ARHGAP10: variants seen among roughly 807,000 people sequenced by gnomAD.
ARHGAP10 encodes the protein Rho GTPase activating protein 10, also known as rho GTPase-activating protein 10.
ARHGAP10 carries 87 observed loss-of-function variants against 108.6 expected under a neutral mutation model. The observed-to-expected ratio is 0.80, with a 90% CI of 0.67 to 0.96. ARHGAP10 has a LOEUF of 0.96. ARHGAP10 is among the 40% of genes least tolerant of loss of function. The probability of loss-of-function intolerance (pLI) is 0.00; values close to 1 mark genes in which losing one functional copy is unlikely to be tolerated. For synonymous variants in ARHGAP10, 347 were observed against 341.1 expected (o/e 1.02, Z -0.19); for missense variants, 939 against 954.5 (o/e 0.98, Z 0.21).
chr4:147,751,114 G>A (rs1389290724), intron 1 of ARHGAP10, among the ~76,000 whole-genome samples: 1 of 151,770 alleles, frequency 6.6e-6, no homozygotes, highest in Non-Finnish European at 1.5e-5. Context: ...GGAAGGCAGA[G>A]GTTGCAGTGA....
At chr4:147,775,448 G>A (rs1379091014) in intron 1 of ARHGAP10, among the ~76,000 whole-genome samples, 1 of 152,202 alleles carries the variant, frequency 6.6e-6, no homozygotes, top group East Asian at 1.9e-4. Context: ...CCAGCTTCAG[G>A]GGCCAGTGAC....
At chr4:147,832,995 G>A (rs764005238) in intron 3 of ARHGAP10, among the ~76,000 whole-genome samples, 12 of 152,142 alleles carry the variant, frequency 7.9e-5, no homozygotes, top group South Asian at 4.1e-4. Context: ...AAAACCTTCC[G>A]TTGAGACCTG....
chr4:148,006,739 A>T (rs766931471), intron 18 of ARHGAP10, among the ~76,000 whole-genome samples: 1 of 152,230 alleles, frequency 6.6e-6, no homozygotes, highest in Non-Finnish European at 1.5e-5. Context: ...GCATCTTTTC[A>T]TGTGATAAAA....
chr4:147,766,584 A>G (rs1001747385), intron 1 of ARHGAP10, among the ~76,000 whole-genome samples: 25 of 147,030 alleles, frequency 1.7e-4, no homozygotes, highest in Non-Finnish European at 3.3e-4. Flanking sequence ...GTATATATAC[A>G]CATACATATA....
chr4:148,072,348 A>G lies in ARHGAP10; in HGVS notation c.*267A>G. ...TCAAGTATTGGGACTTGTGATTTTTAATTATCCAGCATATAGAATGAGAGG... is the reference window on the plus strand; with the variant it reads ...TCAAGTATTGGGACTTGTGATTTTTGATTATCCAGCATATAGAATGAGAGG... On this transcript the variant is annotated 3_prime_UTR_variant, in exon 23 of 23. Transcript: ENST00000336498. The G allele has an allele frequency of 2.4e-6, 1 of 416,258 alleles. No homozygotes were observed. The allele number at this position is 416,258 out of a possible 1,614,324, so 25.8% of individuals were successfully genotyped here.
chr4:147,770,370 G>A (rs1730027370), intron 1 of ARHGAP10, among the ~76,000 whole-genome samples: 1 of 152,036 alleles, frequency 6.6e-6, no homozygotes, highest in African/African-American at 2.4e-5. Context: ...ACTAAAAATG[G>A]AAAAATTAGC....
intron 20 of ARHGAP10, among the ~76,000 whole-genome samples, chr4:148,051,204 T>C (rs1729119717): frequency 6.6e-6 from 1 of 152,226 alleles, no homozygotes; most frequent in African/African-American, 2.4e-5. Context: ...TTCATTGCAG[T>C]CAATCAATCT....
chr4:147,865,043 T>TTA (rs1348378971), intron 6 of ARHGAP10, 87 bp downstream of exon 6: 1 of 1,149,384 alleles, frequency 8.7e-7, no homozygotes, highest in Admixed American at 2.1e-5. Context: ...GGTTTATAGT[T>TTA]ACTAGAGGCC....
intron 18 of ARHGAP10, among the ~76,000 whole-genome samples, chr4:148,020,822 G>T (rs1365356672): frequency 6.6e-6 from 1 of 152,122 alleles, no homozygotes. Context: ...TAATGGGATT[G>T]CTGGGTCAAA....
At chr4:147,768,201 G>A (rs1293206917) in intron 1 of ARHGAP10, among the ~76,000 whole-genome samples, 2 of 152,182 alleles carry the variant, frequency 1.3e-5, no homozygotes, top group Admixed American at 6.5e-5. Context: ...CAATTATACT[G>A]TGAGTGGCAT....
At chr4:147,978,588 G>A (rs1007826466) in intron 18 of ARHGAP10, among the ~76,000 whole-genome samples, 2 of 152,068 alleles carry the variant, frequency 1.3e-5, no homozygotes, top group Admixed American at 6.6e-5. Context: ...CTCCTGCTCC[G>A]CCACAGTAAG....
intron 18 of ARHGAP10, 62 bp downstream of exon 18, chr4:147,966,901 G>A (rs1164919125): frequency 3.9e-6 from 5 of 1,295,112 alleles, no homozygotes; most frequent in African/African-American, 3.0e-5. Flanking sequence ...ACTACACAAC[G>A]ATCCTCTTAG....
intron 1 of ARHGAP10, among the ~76,000 whole-genome samples, chr4:147,768,679 A>G (rs911715504): frequency 1.1e-4 from 16 of 152,104 alleles, no homozygotes; most frequent in Non-Finnish European, 2.2e-4. Flanking sequence ...ATTTGGTGAC[A>G]ACTTTGTTTT....
chr4:147,870,022 G>C (rs1348295021), intron 7 of ARHGAP10, among the ~76,000 whole-genome samples: 3 of 151,560 alleles, frequency 2.0e-5, no homozygotes, highest in Non-Finnish European at 4.4e-5. Flanking sequence ...GTGTGTGTGT[G>C]TGTGTGTGTG....
At position 147,765,240 on chromosome 4, in the gene ARHGAP10, A is replaced by G. The variant is rs1729747944; in HGVS notation, c.154+32785A>G. Among the ~76,000 whole-genome samples the G allele has an allele frequency of 1.3e-5, 2 of 151,540 alleles. 1 individual carries two copies. Among genetic ancestry groups the G allele is most frequent in the South Asian group, 4.2e-4 (2 of 4,802 alleles). On this transcript the variant is annotated intron_variant, in intron 1 of 22. Coordinates refer to ENST00000336498, the MANE Select transcript of ARHGAP10 (RefSeq NM_024605.4). Reference sequence around the variant, plus strand: ...TAGCAAATATTTTTGAATGAAGTTTACATAATTCACAGCCAGGTGTTTCCA... The same window carrying G: ...TAGCAAATATTTTTGAATGAAGTTTGCATAATTCACAGCCAGGTGTTTCCA...
chr4:147,877,415 A>G (rs1735118925), intron 8 of ARHGAP10, among the ~76,000 whole-genome samples: 1 of 152,178 alleles, frequency 6.6e-6, no homozygotes, highest in Non-Finnish European at 1.5e-5. Context: ...CCCTGTCCCA[A>G]ATAATGTAAT....
intron 18 of ARHGAP10, among the ~76,000 whole-genome samples, chr4:147,997,204 A>G (rs899719517): frequency 6.6e-6 from 1 of 152,214 alleles, no homozygotes; most frequent in Non-Finnish European, 1.5e-5. Context: ...ATTGAAATTA[A>G]CTAACCAAAA....
intron 1 of ARHGAP10, among the ~76,000 whole-genome samples, chr4:147,771,678 A>G (rs1377389197): frequency 6.6e-6 from 1 of 152,172 alleles, no homozygotes; most frequent in African/African-American, 2.4e-5. Context: ...TGTTTTCTTT[A>G]TATTCTATCC....
At chr4:147,878,424 A>G (rs113692596) in intron 8 of ARHGAP10, among the ~76,000 whole-genome samples, 4 of 152,216 alleles carry the variant, frequency 2.6e-5, no homozygotes, top group African/African-American at 9.6e-5. Context: ...CTAGCTTTCA[A>G]TCATCAGTAA....
Sources: allele counts gnomAD v4.1 joint callset (sites outside exome capture counted in the v4.1 genomes callset), GRCh38; gene constraint gnomAD v4.1.1; transcripts MANE v1.5; gene names NCBI Gene and HGNC (gene_info 2026-07-23, HGNC 2026-07-21).